TAFA1: variants seen among roughly 807,000 people sequenced by gnomAD.
The protein encoded by TAFA1 is TAFA chemokine like family member 1.
Under a neutral mutation model 18.5 loss-of-function variants are expected in TAFA1, and 4 were observed. The ratio of observed to expected loss-of-function variants is 0.22; its 90% CI spans 0.11 to 0.49. The LOEUF (loss-of-function observed/expected upper bound fraction) is 0.49, where lower values mean the gene tolerates loss of function less well. Ranked by LOEUF, TAFA1 falls within the 20% of genes least tolerant of loss-of-function variation. TAFA1 has a pLI of 0.98. For missense variants in TAFA1, 147 were observed against 169.0 expected (o/e 0.87, Z 0.72); for synonymous variants, 56 against 55.2 (o/e 1.01, Z -0.06).
chr3:68,437,346 T>C (rs2071283441), intron 3 of TAFA1, among the ~76,000 whole-genome samples: 1 of 152,220 alleles, frequency 6.6e-6, no homozygotes, highest in Non-Finnish European at 1.5e-5. Flanking sequence ...AAAATAGTTG[T>C]ATTAGTCCAT....
intron 2 of TAFA1, among the ~76,000 whole-genome samples, chr3:68,181,172 G>C (rs974414993): frequency 3.3e-5 from 5 of 152,160 alleles, no homozygotes; most frequent in African/African-American, 1.2e-4. Context: ...GACCATAACT[G>C]TTGCTGTCAT....
At chr3:68,493,774 A>G (rs1290103974) in intron 3 of TAFA1, among the ~76,000 whole-genome samples, 1 of 152,214 alleles carries the variant, frequency 6.6e-6, no homozygotes, top group Non-Finnish European at 1.5e-5. Flanking sequence ...TTTAAAAAGA[A>G]ATTGAAGGCT....
At chr3:68,349,086 C>T (rs2069217782) in intron 2 of TAFA1, among the ~76,000 whole-genome samples, 1 of 151,406 alleles carries the variant, frequency 6.6e-6, no homozygotes. Context: ...GAAATTTCTC[C>T]AGAATCATTC....
At chr3:68,538,733 A>C (rs3828366) in intron 3 of TAFA1, 23 bp from the exon 4 acceptor site, 489,619 of 1,610,828 alleles carry the variant, frequency 0.3, 78,205 homozygotes, top group Admixed American at 0.38. Flanking sequence ...TTGCAAACAC[A>C]GTTGTTTCCT....
chr3:68,421,805 A>G (rs984171282), intron 3 of TAFA1, among the ~76,000 whole-genome samples: 3 of 152,110 alleles, frequency 2.0e-5, no homozygotes, highest in Non-Finnish European at 4.4e-5. Context: ...TCACTAGTAA[A>G]TGTGGATAAT....
intron 2 of TAFA1, among the ~76,000 whole-genome samples, chr3:68,011,903 A>G (rs1704480382): frequency 6.6e-6 from 1 of 152,222 alleles, no homozygotes; most frequent in South Asian, 2.1e-4. Flanking sequence ...TGCTGATCTT[A>G]TGAACTTATA....
intron 2 of TAFA1, among the ~76,000 whole-genome samples, chr3:68,052,678 A>T (rs995833525): frequency 2.7e-4 from 41 of 152,188 alleles, no homozygotes; most frequent in African/African-American, 9.7e-4. Flanking sequence ...TTCACTCACC[A>T]GCAAATATTT....
At chr3:68,217,881 G>A (rs1379241340) in intron 2 of TAFA1, among the ~76,000 whole-genome samples, 1 of 151,862 alleles carries the variant, frequency 6.6e-6, no homozygotes, top group African/African-American at 2.4e-5. Context: ...CTTGCCTAAT[G>A]TTAGATTTTA....
chr3:68,317,760 A>G (rs1026012835), intron 2 of TAFA1, among the ~76,000 whole-genome samples: 1 of 152,174 alleles, frequency 6.6e-6, no homozygotes, highest in African/African-American at 2.4e-5. Context: ...AAGTTACTCA[A>G]ATTAAAACTT....
intron 2 of TAFA1, among the ~76,000 whole-genome samples, chr3:68,161,882 C>T (rs1018408609): frequency 6.6e-6 from 1 of 152,096 alleles, no homozygotes; most frequent in African/African-American, 2.4e-5. Flanking sequence ...ATTTTCTAGA[C>T]CATGGGTCAG....
At chr3:68,494,074 G>A (rs2072500702) in intron 3 of TAFA1, among the ~76,000 whole-genome samples, 1 of 152,072 alleles carries the variant, frequency 6.6e-6, no homozygotes, top group Admixed American at 6.6e-5. Context: ...GTTTGTAAGG[G>A]TTAAACATAA....
At chr3:68,267,499 T>A (rs2067570480) in intron 2 of TAFA1, among the ~76,000 whole-genome samples, 2 of 152,154 alleles carry the variant, frequency 1.3e-5, no homozygotes, top group African/African-American at 4.8e-5. Context: ...TACCTAGTGA[T>A]CCCAAGAATT....
intron 2 of TAFA1, among the ~76,000 whole-genome samples, chr3:68,214,223 A>G (rs1332799152): frequency 1.3e-5 from 2 of 152,076 alleles, no homozygotes; most frequent in African/African-American, 4.8e-5. Flanking sequence ...TGTCCTTTTC[A>G]TGCTTTCTAG....
intron 2 of TAFA1, among the ~76,000 whole-genome samples, chr3:68,085,674 A>T (rs960400386): frequency 1.3e-5 from 2 of 152,192 alleles, no homozygotes; most frequent in African/African-American, 4.8e-5. Flanking sequence ...ATCCACTCCA[A>T]AGAGTATATC....
At chr3:68,443,854 C>T (rs1414559141) in intron 3 of TAFA1, among the ~76,000 whole-genome samples, 1 of 152,112 alleles carries the variant, frequency 6.6e-6, no homozygotes, top group African/African-American at 2.4e-5. Context: ...CAACATGAGT[C>T]ATCTATCCCT....
intron 2 of TAFA1, among the ~76,000 whole-genome samples, chr3:68,184,193 A>G (rs1166197493): frequency 6.6e-6 from 1 of 152,164 alleles, no homozygotes; most frequent in Non-Finnish European, 1.5e-5. Context: ...TCCGTGAATA[A>G]GGAATCAAAT....
intron 2 of TAFA1, among the ~76,000 whole-genome samples, chr3:68,235,770 G>A (rs751417226): frequency 6.6e-6 from 1 of 152,058 alleles, no homozygotes; most frequent in East Asian, 1.9e-4. Flanking sequence ...TCTTTTTGCT[G>A]GACTTAAAAC....
chr3:68,283,435 T>A (rs936621093), intron 2 of TAFA1, among the ~76,000 whole-genome samples: 1 of 152,234 alleles, frequency 6.6e-6, no homozygotes, highest in Non-Finnish European at 1.5e-5. Flanking sequence ...TAAAGTAATT[T>A]ATGCATAATT....
At chr3:68,174,822 G>A (rs1474507348) in intron 2 of TAFA1, among the ~76,000 whole-genome samples, 1 of 152,198 alleles carries the variant, frequency 6.6e-6, no homozygotes, top group Admixed American at 6.5e-5. Flanking sequence ...CAATGTTATT[G>A]CCTAAGACAA....
Sources: allele counts gnomAD v4.1 joint callset (sites outside exome capture counted in the v4.1 genomes callset), GRCh38; gene constraint gnomAD v4.1.1; transcripts MANE v1.5; gene names NCBI Gene and HGNC (gene_info 2026-07-23, HGNC 2026-07-21).